The following ATP8B2 variants were observed in gnomAD, a reference collection of about 807,000 sequenced individuals.
ATP8B2 encodes phospholipid-transporting ATPase ID.
Under a neutral mutation model 133.4 loss-of-function variants are expected in ATP8B2, and 70 were observed. The observed-to-expected ratio is 0.52, with a 90% CI of 0.43 to 0.64. ATP8B2 has a LOEUF of 0.64. Among genes scored for constraint, ATP8B2 ranks in the 30% least tolerant of loss-of-function variants. The pLI is 0.00. For missense variants in ATP8B2, 1,101 were observed against 1,535.7 expected (o/e 0.72, Z 4.73); for synonymous variants, 517 against 589.5 (o/e 0.88, Z 1.78).
In ATP8B2 at chr1:154,337,334, T is replaced by C; in HGVS notation, c.838-14T>C. 10 of 1,607,118 alleles carry C rather than the reference T, an allele frequency of 6.2e-6. No homozygotes were observed. Among genetic ancestry groups the C allele is most frequent in the Non-Finnish European group, 8.5e-6 (10 of 1,175,546 alleles). The stretch of plus-strand genomic sequence containing the variant: ...TACATGTCAGCCTCGCCTGTGCTTC[T>C]CATTCCTCCCCAGATTTTTGGATTC... On this transcript the variant is annotated splice_polypyrimidine_tract_variant and intron_variant, in intron 11 of 27. Coordinates refer to ENST00000368489, the MANE Select transcript of ATP8B2 (RefSeq NM_001370597.1).
chr1:154,331,637 G>A lies in ATP8B2; in HGVS notation c.397G>A (p.Val133Ile). ...GCAGGAGCAGTGGATGAATGTCTGTGTTGGTGATATTATCAAGCTAGAAAA... is the reference window on the plus strand; with the variant it reads ...GCAGGAGCAGTGGATGAATGTCTGTATTGGTGATATTATCAAGCTAGAAAA... ...LQQEQWMNVCVGDIIKLENNQ... is the reference protein window; with the variant it reads ...LQQEQWMNVCIGDIIKLENNQ... The change falls in exon 7 of 28, where the codon GTT becomes ATT. Residue 133 changes from valine to isoleucine, a missense_variant. Coordinates refer to ENST00000368489, the MANE Select transcript of ATP8B2 (RefSeq NM_001370597.1). This position sits in a 1 kb window ranked among gnomAD's most constrained non-coding sequence, Gnocchi z 4.8. 1.9e-6 allele frequency: 3 copies of A among 1,614,240 alleles called. No homozygotes were observed. The highest frequency in any genetic ancestry group is 2.5e-6 in the Non-Finnish European group (3 of 1,180,038).
chr1:154,342,989 C>T (rs1301611783), intron 15 of ATP8B2, 28 bp downstream of exon 15: 2 of 1,610,860 alleles, frequency 1.2e-6, no homozygotes, highest in Non-Finnish European at 1.7e-6. Flanking sequence ...CTCGCACTCT[C>T]CTGACCTGAC....
At chr1:154,327,092 G>A (rs1386875272) in intron 1 of ATP8B2, among the ~76,000 whole-genome samples, 1 of 152,204 alleles carries the variant, frequency 6.6e-6, no homozygotes, top group Non-Finnish European at 1.5e-5. Flanking sequence ...ACTGGGTTGT[G>A]GCCAGAATCT....
At chr1:154,341,190 A>T in intron 13 of ATP8B2, 128 bp downstream of exon 13, 1 of 989,018 alleles carries the variant, frequency 1.0e-6, no homozygotes, top group Non-Finnish European at 1.5e-6. Flanking sequence ...GCCTAGAAGA[A>T]AGGGTCCATC....
Position 154,345,085 on chromosome 1 carries a change from G to A in ATP8B2, c.2401G>A (p.Val801Ile), listed in dbSNP as rs1203396288. The A allele has an allele frequency of 6.2e-7, 1 of 1,614,218 alleles. No individual in the cohort carries two copies. The highest frequency in any genetic ancestry group is 1.1e-5 in the South Asian group (1 of 91,088). The change falls in exon 22 of 28, where the codon GTC becomes ATC. Residue 801 changes from valine to isoleucine, a missense_variant. By Grantham distance (29) the Val-to-Ile change is conservative. Transcript: ENST00000368489. The surrounding 1 kb of genome is among the most constrained non-coding windows in gnomAD (Gnocchi z 5.6). ...PLQKAQVVEL[V>I]KKYKKAVTLA... ...GCAGAAGGCACAGGTGGTAGAACTG[G>A]TCAAGAAGTACAAGAAGGCTGTGAC...
rs1171233599 is a variant in ATP8B2, at chr1:154,345,686, A to G, written c.2695-114A>G. Reference sequence around the variant, plus strand: ...AAAAATGCTTATTAAAGGAGGAGAGAAGGAGCCTCAGAAAATTTCTTAGGG... The same window carrying G: ...AAAAATGCTTATTAAAGGAGGAGAGGAGGAGCCTCAGAAAATTTCTTAGGG... On this transcript the variant is annotated intron_variant, in intron 23 of 27. Transcript: ENST00000368489. This position sits in a 1 kb window ranked among gnomAD's most constrained non-coding sequence, Gnocchi z 5.6. 7.6e-6 allele frequency: 10 copies of G among 1,323,716 alleles called. No individual in the cohort carries two copies. In the African/African-American group the frequency reaches 1.0e-4, roughly 14 times the overall value. 82.0% of individuals were successfully genotyped at this position (1,323,716 alleles called of 1,614,324 possible). A position where few individuals can be genotyped will look rare whatever the true frequency, so the allele number is the denominator to read the frequency against.
chr1:154,335,964 G>A (rs559884886), intron 11 of ATP8B2, among the ~76,000 whole-genome samples: 3 of 151,202 alleles, frequency 2.0e-5, no homozygotes, highest in Non-Finnish European at 4.4e-5. Context: ...GCGTGAACCC[G>A]GGAGGTGGAG....
chr1:154,338,436 C>T (rs752702887), intron 12 of ATP8B2, among the ~76,000 whole-genome samples: 1 of 152,076 alleles, frequency 6.6e-6, no homozygotes, highest in Non-Finnish European at 1.5e-5. Flanking sequence ...CCAAGGTGGG[C>T]GGATAACGAG....
At chr1:154,327,467 G>T (rs1245594108) in intron 1 of ATP8B2, among the ~76,000 whole-genome samples, 1 of 152,194 alleles carries the variant, frequency 6.6e-6, no homozygotes, top group East Asian at 1.9e-4. Flanking sequence ...CCAGGGTTGG[G>T]AAGACCCCTC....
chr1:154,335,450 G>T (rs1189277246), intron 11 of ATP8B2, among the ~76,000 whole-genome samples: 2 of 152,160 alleles, frequency 1.3e-5, no homozygotes, highest in Non-Finnish European at 2.9e-5. Flanking sequence ...CCAGCACTTT[G>T]GGAGACCAAG....
In ATP8B2 at chr1:154,331,901, C is replaced by T. The variant is rs1686005425; in HGVS notation, c.439-53C>T. Reference sequence around the variant, plus strand: ...AGTGGAAGGAGCCACCATTACAGCCCACTGGGGGTGGAGGTTTGCATATTT... The same window carrying T: ...AGTGGAAGGAGCCACCATTACAGCCTACTGGGGGTGGAGGTTTGCATATTT... On this transcript the variant is annotated intron_variant, in intron 7 of 27. Transcript: ENST00000368489. This position sits in a 1 kb window ranked among gnomAD's most constrained non-coding sequence, Gnocchi z 4.8. 4.5e-6 allele frequency: 7 copies of T among 1,550,018 alleles called. No individual in the cohort carries two copies. Among genetic ancestry groups the T allele is most frequent in the Non-Finnish European group, 6.2e-6 (7 of 1,122,080 alleles).
At chr1:154,347,078 T>G (rs966063713) in intron 26 of ATP8B2, among the ~76,000 whole-genome samples, 3 of 152,150 alleles carry the variant, frequency 2.0e-5, no homozygotes, top group Middle Eastern at 3.4e-3. Flanking sequence ...TTAGTAGAGA[T>G]AGGGTTTCAC....
intron 8 of ATP8B2, 21 bp from the exon 9 acceptor site, chr1:154,332,597 T>C: frequency 6.4e-7 from 1 of 1,563,314 alleles, no homozygotes; most frequent in Non-Finnish European, 8.7e-7. Context: ...GAGCGGGGAC[T>C]CAGAGATACT....
rs1177158404 is a variant in ATP8B2 at position 154,350,716 on chromosome 1, T to C, written c.*1598T>C. 1 of 152,376 alleles carries C rather than the reference T, an allele frequency of 6.6e-6. No homozygotes were observed. Among genetic ancestry groups the C allele is most frequent in the Non-Finnish European group, 1.5e-5 (1 of 68,080 alleles). 9.4% of individuals were successfully genotyped at this position (152,376 alleles called of 1,614,324 possible). ...ACACTGTCAGAGTTTGGCCACAGCC[T>C]GTCCTTTACTTCATCCACACCTATG... On this transcript the variant is annotated 3_prime_UTR_variant, in exon 28 of 28. Coordinates refer to ENST00000368489, the MANE Select transcript of ATP8B2 (RefSeq NM_001370597.1).
intron 11 of ATP8B2, 120 bp from the exon 12 acceptor site, chr1:154,337,228 C>G: frequency 8.5e-7 from 1 of 1,181,870 alleles, no homozygotes; most frequent in Non-Finnish European, 1.2e-6. Context: ...ATGGGTTGGA[C>G]AAGCTTGCAC....
intron 1 of ATP8B2, among the ~76,000 whole-genome samples, chr1:154,326,278 A>C (rs1419554521): frequency 1.3e-5 from 2 of 151,942 alleles, no homozygotes; most frequent in Non-Finnish European, 2.9e-5. Context: ...CTCGAGTTCC[A>C]TTTCCTCCTG....
In ATP8B2 at chr1:154,344,805, G is replaced by A. The variant is rs9660850; in HGVS notation, c.2286+20G>A. The A allele has an allele frequency of 0.16, 247,258 of 1,584,038 alleles. 20,233 individuals carry two copies. The highest frequency in any genetic ancestry group is 0.22 in the South Asian group (19,765 of 88,806). ...AGCCTGGTAGGCATCGCTATCCTTA[G>A]CTTGGGCAGTATCTTTCCAGTGAGC... is the stretch of plus-strand genomic sequence containing the variant. On this transcript the variant is annotated intron_variant, in intron 21 of 27. Coordinates refer to ENST00000368489, the MANE Select transcript of ATP8B2 (RefSeq NM_001370597.1). This position sits in a 1 kb window ranked among gnomAD's most constrained non-coding sequence, Gnocchi z 4.1.
chr1:154,332,060 G>A (rs768626442), intron 8 of ATP8B2, 36 bp downstream of exon 8: 5 of 1,591,838 alleles, frequency 3.1e-6, no homozygotes, highest in Non-Finnish European at 4.3e-6. Context: ...CTCTCCTTCT[G>A]TCTCTTTGGA....
chr1:154,337,783 T>G, intron 12 of ATP8B2: 1 of 1,425,556 alleles, frequency 7.0e-7, no homozygotes, highest in Middle Eastern at 2.0e-4. Flanking sequence ...ACCTATTTAT[T>G]ACATGCCTAC....
Sources: allele counts gnomAD v4.1 joint callset (sites outside exome capture counted in the v4.1 genomes callset), GRCh38; gene constraint gnomAD v4.1.1; non-coding constraint Gnocchi (gnomAD v3.1); transcripts MANE v1.5; gene names NCBI Gene and HGNC (gene_info 2026-07-23, HGNC 2026-07-21).